Variants in NDUFAF6 observed in about 807,000 individuals in gnomAD.
NDUFAF6 encodes NADH dehydrogenase (ubiquinone) complex I, assembly factor 6.
Under a neutral mutation model 40.8 loss-of-function variants are expected in NDUFAF6, and 45 were observed. The ratio of observed to expected loss-of-function variants is 1.10; its 90% CI spans 0.87 to 1.42. NDUFAF6 has a LOEUF of 1.42. Among genes scored for constraint, NDUFAF6 ranks in the 40% most tolerant of loss-of-function variants. The pLI, the probability that NDUFAF6 is intolerant of heterozygous loss-of-function variation, is 0.00. For missense variants in NDUFAF6, 435 were observed against 418.5 expected, an observed-to-expected ratio of 1.04 and a Z score of -0.34; for synonymous variants, 185 against 155.9, an observed-to-expected ratio of 1.19 and a Z score of -1.39.
chr8:95,114,959 G>A (rs544383999), intron 4 of NDUFAF6, among the ~76,000 whole-genome samples: 2 of 152,258 alleles, frequency 1.3e-5, no homozygotes, highest in East Asian at 1.9e-4. Context: ...CTACTCGGGA[G>A]GCTGAGGCAG....
intron 2 of NDUFAF6, among the ~76,000 whole-genome samples, chr8:95,007,536 A>T (rs560230035): frequency 2.6e-5 from 4 of 152,092 alleles, no homozygotes; most frequent in African/African-American, 9.6e-5. Context: ...TAGTGGTGCA[A>T]GCCTGTAGTC....
Position 95,011,590 on chromosome 8 carries a change from T to C in NDUFAF6, c.-83-20405T>C, listed in dbSNP as rs77276508. 3.9e-3 allele frequency among the ~76,000 whole-genome samples: 594 copies of C among 152,332 alleles called. 3 individuals are homozygous for C. Among genetic ancestry groups the C allele is most frequent in the African/African-American group, 0.014 (570 of 41,570 alleles). ...AGATGCAGCTGGTGCCCTCCTGGTGTACACTCTTTTGACCTTTCACCTTCT... is the reference window on the plus strand; with the variant it reads ...AGATGCAGCTGGTGCCCTCCTGGTGCACACTCTTTTGACCTTTCACCTTCT... On this transcript the variant is annotated intron_variant, in intron 2 of 9. Coordinates refer to the NDUFAF6 transcript ENST00000396111.
intron 2 of NDUFAF6, among the ~76,000 whole-genome samples, chr8:95,089,782 G>A (rs142258404): frequency 2.3e-4 from 35 of 152,296 alleles, no homozygotes; most frequent in African/African-American, 7.5e-4. Context: ...GCTCATTGTG[G>A]AGTCAGTGGG....
At chr8:95,007,677 T>C (rs541268092) in intron 2 of NDUFAF6, among the ~76,000 whole-genome samples, 173 of 149,764 alleles carry the variant, frequency 1.2e-3, no homozygotes, top group African/African-American at 4.3e-3. Context: ...TTTTTTTTTT[T>C]TTTTTAATCT....
downstream of NDUFAF6, among the ~76,000 whole-genome samples, chr8:95,106,961 G>A (rs1048147572): frequency 2.0e-5 from 3 of 152,142 alleles, no homozygotes; most frequent in Non-Finnish European, 4.4e-5. Flanking sequence ...TTAGAATGGC[G>A]ATCATTAAAA....
chr8:94,932,829 T>C (rs1223616574), intron 1 of NDUFAF6, among the ~76,000 whole-genome samples: 1 of 151,660 alleles, frequency 6.6e-6, no homozygotes, highest in African/African-American at 2.4e-5. Flanking sequence ...GAATTTCAAA[T>C]CCCAAAATAA....
chr8:95,106,051 G>A (rs760902149), downstream of NDUFAF6, among the ~76,000 whole-genome samples: 5 of 151,902 alleles, frequency 3.3e-5, no homozygotes, highest in South Asian at 2.1e-4. Context: ...CGAGGTGGGC[G>A]GATCATGAGG....
upstream of NDUFAF6, among the ~76,000 whole-genome samples, chr8:95,022,978 G>A (rs373773380): frequency 2.0e-5 from 3 of 152,048 alleles, no homozygotes; most frequent in East Asian, 1.9e-4. Flanking sequence ...TAACCTAATC[G>A]CAGGAGTGAC....
At chr8:95,053,060 A>G (rs903354274) in intron 8 of NDUFAF6, among the ~76,000 whole-genome samples, 5 of 152,192 alleles carry the variant, frequency 3.3e-5, no homozygotes, top group African/African-American at 1.2e-4. Context: ...TTTCTGTAAT[A>G]CCAAACATAT....
intron 1 of NDUFAF6, among the ~76,000 whole-genome samples, chr8:95,029,628 A>G (rs915292266): frequency 3.9e-5 from 6 of 152,202 alleles, no homozygotes; most frequent in African/African-American, 1.4e-4. Flanking sequence ...ATATCTCTCT[A>G]GTCTTCTCCA....
chr8:95,083,526 T>C (rs900854518), intron 2 of NDUFAF6, among the ~76,000 whole-genome samples: 1 of 152,264 alleles, frequency 6.6e-6, no homozygotes, highest in African/African-American at 2.4e-5. Context: ...TACTGTGCTA[T>C]GGTTCCCTTT....
chr8:94,940,217 G>A, intron 1 of NDUFAF6: 1 of 1,606,746 alleles, frequency 6.2e-7, no homozygotes, highest in South Asian at 1.1e-5. Flanking sequence ...ACCAGTGCAA[G>A]TATCTAGATC....
chr8:95,052,615 C>T (rs1397870600), intron 8 of NDUFAF6, among the ~76,000 whole-genome samples: 2 of 152,144 alleles, frequency 1.3e-5, no homozygotes, highest in African/African-American at 2.4e-5. Context: ...TATTACTATT[C>T]TGTTCATTTT....
chr8:95,037,468 G>A (rs1159077627), intron 3 of NDUFAF6, among the ~76,000 whole-genome samples: 1 of 152,172 alleles, frequency 6.6e-6, no homozygotes, highest in Non-Finnish European at 1.5e-5. Context: ...GCCCAGATGT[G>A]TAAAATAAAA....
intron 1 of NDUFAF6, among the ~76,000 whole-genome samples, chr8:94,916,347 T>C (rs1388085230): frequency 6.6e-6 from 1 of 152,186 alleles, no homozygotes; most frequent in African/African-American, 2.4e-5. Flanking sequence ...GCAATAGGAC[T>C]ATTGTCCACT....
At chr8:95,035,422 C>T (rs1238888825) in intron 2 of NDUFAF6, 32 bp from the exon 3 acceptor site, 1 of 1,611,332 alleles carries the variant, frequency 6.2e-7, no homozygotes. Context: ...GTAGACAATG[C>T]ATTTGCTAAA....
intron 2 of NDUFAF6, among the ~76,000 whole-genome samples, chr8:95,019,307 G>A (rs189928662): frequency 1.2e-4 from 19 of 152,344 alleles, no homozygotes; most frequent in Admixed American, 6.5e-4. Context: ...ACTGCACCCC[G>A]CCTCATCTCT....
intron 2 of NDUFAF6, among the ~76,000 whole-genome samples, chr8:94,995,952 A>G (rs570840257): frequency 3.3e-5 from 5 of 152,178 alleles, no homozygotes; most frequent in African/African-American, 1.2e-4. Context: ...CAATTTTTGT[A>G]CTTTTAGTAG....
intron 7 of NDUFAF6, among the ~76,000 whole-genome samples, chr8:95,051,942 G>C (rs760600688): frequency 2.0e-5 from 3 of 152,104 alleles, no homozygotes; most frequent in Non-Finnish European, 2.9e-5. Context: ...TTGTAAGGTC[G>C]CTGGAAAATG....
Sources: allele counts gnomAD v4.1 joint callset (sites outside exome capture counted in the v4.1 genomes callset), GRCh38; gene constraint gnomAD v4.1.1; transcripts MANE v1.5; gene names NCBI Gene and HGNC (gene_info 2026-07-23, HGNC 2026-07-21).